Variants in ASAP1 observed in about 807,000 individuals in gnomAD.
The protein encoded by ASAP1 is ArfGAP with SH3 domain, ankyrin repeat and PH domain 1, also known as arf-GAP with SH3 domain, ANK repeat and PH domain-containing protein 1.
Under a neutral mutation model 145.2 loss-of-function variants are expected in ASAP1, and 43 were observed. The ratio of observed to expected loss-of-function variants is 0.30; its 90% CI spans 0.23 to 0.38. ASAP1 has a LOEUF of 0.38. Among genes scored for constraint, ASAP1 ranks in the 10% least tolerant of loss-of-function variants. The probability of loss-of-function intolerance (pLI) is 1.00; values close to 1 mark genes in which losing one functional copy is unlikely to be tolerated. For synonymous variants in ASAP1, 546 were observed against 515.5 expected, an observed-to-expected ratio of 1.06 and a Z score of -0.80; for missense variants, 1,018 against 1,355.3, an observed-to-expected ratio of 0.75 and a Z score of 3.91.
intron 25 of ASAP1, chr8:130,082,795 T>C (rs572535670): frequency 6.2e-5 from 9 of 144,892 alleles, no homozygotes; most frequent in African/African-American, 2.3e-4. Flanking sequence ...TGGCCTCAAG[T>C]GATCCTCCTG....
chr8:130,272,982 G>C (rs924598054), intron 3 of ASAP1, among the ~76,000 whole-genome samples: 4 of 152,158 alleles, frequency 2.6e-5, no homozygotes, highest in African/African-American at 9.7e-5. Context: ...TTTCAAAATA[G>C]CTTGAAGAGA....
chr8:130,438,556 C>A (rs183340765), intron 1 of ASAP1, among the ~76,000 whole-genome samples: 12 of 152,300 alleles, frequency 7.9e-5, no homozygotes, highest in Admixed American at 7.8e-4. Context: ...CAGCTCACAC[C>A]CTGCCCATCC....
At chr8:130,188,258 A>C in intron 5 of ASAP1, 75 bp from the exon 6 acceptor site, 1 of 1,181,042 alleles carries the variant, frequency 8.5e-7, no homozygotes, top group Non-Finnish European at 1.3e-6. Context: ...GCTACTATTG[A>C]CTGAGCATTT....
At chr8:130,133,529 G>T (rs1286190622) in intron 15 of ASAP1, among the ~76,000 whole-genome samples, 2 of 151,892 alleles carry the variant, frequency 1.3e-5, no homozygotes, top group Non-Finnish European at 2.9e-5. Context: ...GGTGGCGGGC[G>T]CCTGTAGTCC....
At chr8:130,259,878 T>C (rs17212137) in intron 3 of ASAP1, among the ~76,000 whole-genome samples, 3 of 152,122 alleles carry the variant, frequency 2.0e-5, no homozygotes, top group East Asian at 1.9e-4. Flanking sequence ...TGAGGATAAA[T>C]AAATACTAAG....
chr8:130,364,916 C>T (rs1409114374), intron 2 of ASAP1, among the ~76,000 whole-genome samples: 3 of 152,142 alleles, frequency 2.0e-5, no homozygotes, highest in African/African-American at 7.2e-5. Flanking sequence ...CCAGCCTGGA[C>T]AACAGAGCAA....
At chr8:130,125,672 T>C (rs1048660373) in intron 17 of ASAP1, among the ~76,000 whole-genome samples, 1 of 152,120 alleles carries the variant, frequency 6.6e-6, no homozygotes, top group African/African-American at 2.4e-5. Flanking sequence ...TGAAAACTAA[T>C]TCATAAAGAA....
chr8:130,288,130 T>G (rs967415088), intron 3 of ASAP1, among the ~76,000 whole-genome samples: 3 of 152,224 alleles, frequency 2.0e-5, no homozygotes, highest in Non-Finnish European at 2.9e-5. Flanking sequence ...CAGTGCTAGG[T>G]GCTCCTGCTA....
intron 18 of ASAP1, among the ~76,000 whole-genome samples, chr8:130,121,393 G>C (rs1157922888): frequency 6.6e-6 from 1 of 152,122 alleles, no homozygotes; most frequent in Non-Finnish European, 1.5e-5. Flanking sequence ...GGTGACAGTA[G>C]CACCTGTCCA....
intron 15 of ASAP1, among the ~76,000 whole-genome samples, chr8:130,133,768 T>C (rs2097587617): frequency 6.6e-6 from 1 of 152,178 alleles, no homozygotes. Context: ...CTCCCTTTTA[T>C]TGACTCTGTT....
intron 27 of ASAP1, among the ~76,000 whole-genome samples, chr8:130,069,115 T>C (rs1170209779): frequency 1.3e-5 from 2 of 152,110 alleles, no homozygotes; most frequent in African/African-American, 2.4e-5. Flanking sequence ...AAAACACTGA[T>C]AGGATAAAAC....
At chr8:130,260,822 G>A (rs1819852054) in intron 3 of ASAP1, among the ~76,000 whole-genome samples, 1 of 152,122 alleles carries the variant, frequency 6.6e-6, no homozygotes, top group Non-Finnish European at 1.5e-5. Flanking sequence ...TCCAGCCACG[G>A]GATGAACACA....
intron 2 of ASAP1, among the ~76,000 whole-genome samples, chr8:130,375,400 T>C (rs1827437864): frequency 6.6e-6 from 1 of 150,996 alleles, no homozygotes; most frequent in Non-Finnish European, 1.5e-5. Context: ...AAAAAAGTAA[T>C]GCAAGCAAAA....
At chr8:130,363,007 G>A (rs750012394) in intron 2 of ASAP1, among the ~76,000 whole-genome samples, 7 of 152,106 alleles carry the variant, frequency 4.6e-5, no homozygotes, top group South Asian at 2.1e-4. Context: ...ATAGGCTCCC[G>A]TCTCTGCCAT....
chr8:130,288,817 A>G (rs1448905315), intron 3 of ASAP1, among the ~76,000 whole-genome samples: 1 of 152,238 alleles, frequency 6.6e-6, no homozygotes, highest in African/African-American at 2.4e-5. Context: ...GACAAATAAC[A>G]ATGTCCAATG....
chr8:130,187,908 G>T (rs183978760), intron 6 of ASAP1, among the ~76,000 whole-genome samples: 1 of 152,102 alleles, frequency 6.6e-6, no homozygotes, highest in Non-Finnish European at 1.5e-5. Context: ...CAATCTTCTT[G>T]AAAGTGCCTA....
At chr8:130,269,893 G>C (rs1294866262) in intron 3 of ASAP1, among the ~76,000 whole-genome samples, 2 of 152,250 alleles carry the variant, frequency 1.3e-5, no homozygotes, top group Non-Finnish European at 2.9e-5. Context: ...TATCAGGCCA[G>C]GCATGGTGGC....
At chr8:130,191,791 T>C (rs1026446270) in intron 5 of ASAP1, among the ~76,000 whole-genome samples, 1 of 152,092 alleles carries the variant, frequency 6.6e-6, no homozygotes, top group East Asian at 1.9e-4. Context: ...GTTGAATACA[T>C]GTTTATATTT....
intron 24 of ASAP1, among the ~76,000 whole-genome samples, chr8:130,093,622 A>C (rs1405880545): frequency 1.4e-5 from 2 of 139,714 alleles, no homozygotes; most frequent in Non-Finnish European, 3.0e-5. Flanking sequence ...AGCTGAGATC[A>C]TGCCACTGCA....
Sources: gnomAD v4.1 joint callset for allele counts (sites outside exome capture counted in the v4.1 genomes callset) on GRCh38, gnomAD v4.1.1 for gene constraint, MANE v1.5 for transcripts, NCBI Gene and HGNC (gene_info 2026-07-23, HGNC 2026-07-21) for gene names.